The following AGBL1 variants were observed in gnomAD, a reference collection of about 807,000 sequenced individuals.
The protein encoded by AGBL1 is cytosolic carboxypeptidase 4.
A neutral mutation model predicts 118.9 loss-of-function variants in AGBL1; 130 were observed. That is an observed-to-expected ratio of 1.09 (90% CI 0.95 to 1.26). The LOEUF is 1.26. Ranked by LOEUF, AGBL1 falls within the 50% of genes most tolerant of loss-of-function variation. The pLI is 0.00. For synonymous variants in AGBL1, 555 were observed against 478.9 expected, an observed-to-expected ratio of 1.16 and a Z score of -2.08; for missense variants, 1,584 against 1,298.1, an observed-to-expected ratio of 1.22 and a Z score of -3.38.
intron 23 of AGBL1, among the ~76,000 whole-genome samples, chr15:86,947,707 C>T (rs919031993): frequency 6.6e-6 from 1 of 152,158 alleles, no homozygotes; most frequent in African/African-American, 2.4e-5. Flanking sequence ...ATCCTAGCTT[C>T]ACCGTGTAGC....
At position 86,774,246 on chromosome 15, in the gene AGBL1, C is replaced by T. The variant is rs78495364; in HGVS notation, c.3158+99810C>T. On this transcript the variant is annotated intron_variant, in intron 22 of 22. Coordinates refer to ENST00000614907, the MANE Select transcript of AGBL1 (RefSeq NM_001386094.1). ...GAGTTTCTGACAGATCAACACAGTCCTTAAAATAAAATCTTTCTCCCCTCA... is the reference window on the plus strand; with the variant it reads ...GAGTTTCTGACAGATCAACACAGTCTTTAAAATAAAATCTTTCTCCCCTCA... Among the ~76,000 whole-genome samples, 942 of 152,160 alleles carry T rather than the reference C, an allele frequency of 6.2e-3. 6 individuals carry two copies. Among genetic ancestry groups the T allele is most frequent in the Non-Finnish European group, 8.3e-3 (566 of 67,976 alleles).
At chr15:86,871,798 C>T (rs1278603050) in intron 22 of AGBL1, among the ~76,000 whole-genome samples, 1 of 152,194 alleles carries the variant, frequency 6.6e-6, no homozygotes, top group Non-Finnish European at 1.5e-5. Flanking sequence ...CGGAGACCTA[C>T]TTGTGCCAAA....
intron 22 of AGBL1, among the ~76,000 whole-genome samples, chr15:86,704,954 A>G (rs2086421633): frequency 6.6e-6 from 1 of 152,212 alleles, no homozygotes; most frequent in African/African-American, 2.4e-5. Context: ...ATGCAGCCAT[A>G]AAAAGGAATG....
intron 6 of AGBL1, among the ~76,000 whole-genome samples, chr15:86,246,594 G>C (rs113272098): frequency 0.01 from 1,580 of 152,294 alleles, 21 homozygotes; most frequent in African/African-American, 0.037. Flanking sequence ...GGGTTAGTGG[G>C]ATGAGGAACA....
At chr15:86,234,074 T>C (rs1463219624) in intron 6 of AGBL1, among the ~76,000 whole-genome samples, 1 of 152,152 alleles carries the variant, frequency 6.6e-6, no homozygotes, top group Non-Finnish European at 1.5e-5. Context: ...ATGCTGTCTT[T>C]TATCAGGAGA....
At chr15:86,177,216 G>C (rs61018880) in intron 5 of AGBL1, among the ~76,000 whole-genome samples, 15,111 of 152,124 alleles carry the variant, frequency 0.099, 2,534 homozygotes, top group African/African-American at 0.34. Flanking sequence ...AGGTAATTCC[G>C]TAATAGTAAA....
chr15:86,595,717 G>A (rs1037037126), intron 21 of AGBL1, among the ~76,000 whole-genome samples: 1 of 152,152 alleles, frequency 6.6e-6, no homozygotes, highest in Non-Finnish European at 1.5e-5. Context: ...AGTAGAAAAA[G>A]TTTAATTAAT....
chr15:86,361,785 T>G (rs2080809722), intron 17 of AGBL1, among the ~76,000 whole-genome samples: 6 of 152,190 alleles, frequency 3.9e-5, no homozygotes, highest in Admixed American at 2.6e-4. Context: ...TGGGTTACTT[T>G]CACATGGAAT....
At chr15:86,210,738 G>A (rs531661703) in intron 5 of AGBL1, among the ~76,000 whole-genome samples, 1 of 152,154 alleles carries the variant, frequency 6.6e-6, no homozygotes, top group African/African-American at 2.4e-5. Context: ...AAGGTTTTTA[G>A]CTTCCTTGAG....
chr15:86,406,552 A>T (rs763220342), intron 18 of AGBL1, among the ~76,000 whole-genome samples: 2 of 152,184 alleles, frequency 1.3e-5, no homozygotes, highest in Non-Finnish European at 1.5e-5. Flanking sequence ...AAAGGGCATC[A>T]TTTACATTAT....
At chr15:86,594,236 C>T (rs2084376976) in intron 21 of AGBL1, among the ~76,000 whole-genome samples, 1 of 152,122 alleles carries the variant, frequency 6.6e-6, no homozygotes, top group South Asian at 2.1e-4. Flanking sequence ...ACCAAGCTTG[C>T]ATCCCGGGGA....
intron 23 of AGBL1, among the ~76,000 whole-genome samples, chr15:86,966,359 T>A (rs2081053042): frequency 6.6e-6 from 1 of 151,498 alleles, no homozygotes; most frequent in African/African-American, 2.4e-5. Flanking sequence ...AGTTTTGGGG[T>A]ACATGGGCAC....
chr15:86,142,096 T>C (rs1422965349), intron 2 of AGBL1, 29 bp downstream of exon 2: 5 of 1,548,168 alleles, frequency 3.2e-6, no homozygotes, highest in African/African-American at 1.4e-5. Flanking sequence ...CATGCTTTCA[T>C]ATGGCGGATG....
intron 17 of AGBL1, among the ~76,000 whole-genome samples, chr15:86,352,693 G>A (rs1457643212): frequency 2.0e-5 from 3 of 152,002 alleles, no homozygotes; most frequent in Non-Finnish European, 2.9e-5. Flanking sequence ...TGTTGGCCAG[G>A]CTGGTCTCGA....
At chr15:86,948,069 G>C (rs1475899032) in intron 23 of AGBL1, among the ~76,000 whole-genome samples, 1 of 152,092 alleles carries the variant, frequency 6.6e-6, no homozygotes, top group East Asian at 1.9e-4. Flanking sequence ...GGCTATACTG[G>C]TTTAACATTT....
chr15:86,126,797 C>T (rs1597429313), intron 1 of AGBL1, among the ~76,000 whole-genome samples: 2 of 152,290 alleles, frequency 1.3e-5, no homozygotes, highest in Non-Finnish European at 2.9e-5. Context: ...AGTTGTTGCG[C>T]TGTGGTTATA....
chr15:86,296,635 C>T (rs774220428), intron 17 of AGBL1: 1 of 152,214 alleles, frequency 6.6e-6, no homozygotes, highest in African/African-American at 2.4e-5. Flanking sequence ...TGCTTAACAA[C>T]CTGGCAAATC....
At chr15:86,255,400 T>A (rs1293837851) in intron 7 of AGBL1, among the ~76,000 whole-genome samples, 1 of 152,222 alleles carries the variant, frequency 6.6e-6, no homozygotes, top group Non-Finnish European at 1.5e-5. Flanking sequence ...CTGAGGCTGT[T>A]GATTCAGAAC....
At position 86,692,944 on chromosome 15, in the gene AGBL1, C is replaced by A. The variant is rs553378055; in HGVS notation, c.3158+18508C>A. 2.0e-5 allele frequency among the ~76,000 whole-genome samples: 3 copies of A among 152,192 alleles called. No individual in the cohort carries two copies. The South Asian group carries it at 6.2e-4, about 32-fold the overall frequency. On this transcript the variant is annotated intron_variant, in intron 22 of 22. Transcript: ENST00000614907. ...TGCTGTGAATGCCATTAATTTGTTC[C>A]TTTTTATGGCTGAGTAGTATTCCAT...
Sources: allele counts gnomAD v4.1 joint callset (sites outside exome capture counted in the v4.1 genomes callset), GRCh38; gene constraint gnomAD v4.1.1; transcripts MANE v1.5; gene names NCBI Gene and HGNC (gene_info 2026-07-23, HGNC 2026-07-21).